The following ATR variants were observed in gnomAD, a reference collection of about 807,000 sequenced individuals.
ATR encodes the protein serine/threonine-protein kinase ATR.
A neutral mutation model predicts 305.3 loss-of-function variants in ATR; 142 were observed. The observed-to-expected ratio is 0.47, with a 90% CI of 0.41 to 0.53. ATR has a LOEUF of 0.53. Ranked by LOEUF, ATR falls within the 20% of genes least tolerant of loss-of-function variation. The pLI is 0.00. For synonymous variants in ATR, 1,050 were observed against 1,068.1 expected, an observed-to-expected ratio of 0.98 and a Z score of 0.33; for missense variants, 2,135 against 3,133.1, an observed-to-expected ratio of 0.68 and a Z score of 7.60.
At chr3:142,548,332 C>A (rs1268058560) in intron 15 of ATR, among the ~76,000 whole-genome samples, 1 of 152,134 alleles carries the variant, frequency 6.6e-6, no homozygotes, top group Non-Finnish European at 1.5e-5. Context: ...CCTAATCTAA[C>A]CTCACTCTGC....
intron 21 of ATR, among the ~76,000 whole-genome samples, chr3:142,529,033 C>A (rs2033532235): frequency 6.6e-6 from 1 of 150,376 alleles, no homozygotes; most frequent in African/African-American, 2.4e-5. Flanking sequence ...ACAGGTGCGC[C>A]ATCATGCCTG....
At position 142,518,988 on chromosome 3, in the gene ATR, T is replaced by C. The variant is rs568257532; in HGVS notation, c.4382+681A>G. Reference sequence around the variant, plus strand: ...AATTGGGAGTAATGAAAATCTTTAATTGGGCCTACTAAAGGCTTTCTGACT... The same window carrying C: ...AATTGGGAGTAATGAAAATCTTTAACTGGGCCTACTAAAGGCTTTCTGACT... On this transcript the variant is annotated intron_variant, in intron 24 of 46. Coordinates refer to ENST00000350721, the MANE Select transcript of ATR (RefSeq NM_001184.4). 7.2e-5 allele frequency among the ~76,000 whole-genome samples: 11 copies of C among 152,280 alleles called. No homozygotes were observed. The East Asian group carries it at 2.1e-3, about 29-fold the overall frequency.
chr3:142,492,348 C>A (rs1289954568), intron 35 of ATR, among the ~76,000 whole-genome samples: 1 of 152,194 alleles, frequency 6.6e-6, no homozygotes, highest in Non-Finnish European at 1.5e-5. Context: ...ATAGCCTCTG[C>A]ATGTTTATTC....
At chr3:142,456,480 G>A (rs879825539) in intron 45 of ATR, among the ~76,000 whole-genome samples, 5 of 151,992 alleles carry the variant, frequency 3.3e-5, no homozygotes, top group African/African-American at 7.3e-5. Flanking sequence ...GCTGAGGCAC[G>A]AGAATCGTTT....
At chr3:142,578,613 A>G in intron 1 of ATR, 33 bp downstream of exon 1, 1 of 1,603,248 alleles carries the variant, frequency 6.2e-7, no homozygotes, top group Non-Finnish European at 8.5e-7. Flanking sequence ...TCAGCGGAGG[A>G]GGATGCAGGA....
At chr3:142,549,430 T>C (rs574247781) in intron 15 of ATR, 49 bp downstream of exon 15, 13 of 1,269,850 alleles carry the variant, frequency 1.0e-5, no homozygotes, top group East Asian at 7.8e-5. Context: ...ATCTTTCCTA[T>C]AATGCTAATT....
intron 27 of ATR, among the ~76,000 whole-genome samples, chr3:142,511,083 T>G (rs1429930614): frequency 6.6e-6 from 1 of 152,116 alleles, no homozygotes; most frequent in African/African-American, 2.4e-5. Flanking sequence ...AAATAGCTTC[T>G]CTTTAGGCCA....
At chr3:142,561,945 C>T (rs1479717514) in intron 4 of ATR, among the ~76,000 whole-genome samples, 5 of 152,078 alleles carry the variant, frequency 3.3e-5, no homozygotes, top group Non-Finnish European at 1.5e-5. Flanking sequence ...TTGGTAACTG[C>T]CCCCTTTTAA....
At chr3:142,476,227 G>A (rs1054274414) in intron 36 of ATR, among the ~76,000 whole-genome samples, 2 of 152,136 alleles carry the variant, frequency 1.3e-5, no homozygotes, top group African/African-American at 4.8e-5. Flanking sequence ...TACGGTTTTA[G>A]GTCTGACATT....
intron 8 of ATR, among the ~76,000 whole-genome samples, chr3:142,556,912 A>G (rs1425484268): frequency 6.6e-6 from 1 of 152,208 alleles, no homozygotes; most frequent in African/African-American, 2.4e-5. Context: ...AAGTCAGCTA[A>G]GTGTCAGTGA....
Position 142,477,369 on chromosome 3 carries a change from C to G in ATR, c.6222-7186G>C, listed in dbSNP as rs541605230. ...CATAATCATGTGGTTTTTGTCTTTG[C>G]TTCTGTTTATAGGATGGATTACATT... On this transcript the variant is annotated intron_variant, in intron 36 of 46. Transcript: ENST00000350721. Among the ~76,000 whole-genome samples the G allele has an allele frequency of 4.1e-3, 631 of 152,130 alleles. 12 individuals are homozygous for G. Among genetic ancestry groups the G allele is most frequent in the African/African-American group, 0.015 (611 of 41,538 alleles).
rs1440203120 is a variant in ATR at position 142,542,883 on chromosome 3, C to T, written c.3358-126G>A. On this transcript the variant is annotated intron_variant, in intron 16 of 46. Coordinates refer to ENST00000350721, the MANE Select transcript of ATR (RefSeq NM_001184.4). ...TAGATTAGCATATTAGAAATAAACA[C>T]TTGGTTAATTAAGTTTCTCCAAAAG... 9.0e-6 allele frequency: 7 copies of T among 777,190 alleles called. No homozygotes were observed. In the Admixed American group the frequency reaches 1.0e-4, roughly 12 times the overall value. The allele number at this position is 777,190 out of a possible 1,614,324, so 48.1% of individuals were successfully genotyped here.
At chr3:142,526,816 T>A (rs1005087417) in intron 21 of ATR, among the ~76,000 whole-genome samples, 1 of 149,664 alleles carries the variant, frequency 6.7e-6, no homozygotes, top group Admixed American at 6.7e-5. Context: ...TGAGACAGGG[T>A]CCCGCTCTGT....
chr3:142,537,376 C>G (rs2033898673), intron 19 of ATR, among the ~76,000 whole-genome samples: 1 of 151,982 alleles, frequency 6.6e-6, no homozygotes, highest in Non-Finnish European at 1.5e-5. Context: ...AGCCACCATG[C>G]CTGGTCAGGA....
At position 142,508,079 on chromosome 3, in the gene ATR, C is replaced by G; in HGVS notation, c.4883G>C (p.Ser1628Thr). The change falls in exon 28 of 47, where the codon AGT becomes ACT. Residue 1628 changes from serine (S) to threonine (T), a missense_variant. By Grantham distance (58) the Ser-to-Thr change is moderately conservative (BLOSUM62 1). This residue lies in a region of ATR where 202 missense variants were observed against 252.9 expected (regional missense o/e 0.80). Coordinates refer to ENST00000350721, the MANE Select transcript of ATR (RefSeq NM_001184.4). ...VSTVDYEDYQ[S>T]VTRFLDLIPQ... is the part of the protein sequence containing the mutation. ...TATGAGGTCTAGAAAACGGGTTACA[C>G]TCTGATAGTCTTCATAATCCACAGT... The G allele has an allele frequency of 6.2e-7, 1 of 1,612,754 alleles. No individual in the cohort carries two copies. Among genetic ancestry groups the G allele is most frequent in the Non-Finnish European group, 8.5e-7 (1 of 1,179,614 alleles).
At chr3:142,511,138 A>G (rs2032534708) in intron 27 of ATR, among the ~76,000 whole-genome samples, 1 of 152,182 alleles carries the variant, frequency 6.6e-6, no homozygotes, top group Non-Finnish European at 1.5e-5. Context: ...TAAAACTTAA[A>G]TGTGAAAAAG....
rs1482290072 is a variant in ATR, at chr3:142,515,490, C to A, written c.4408G>T (p.Asp1470Tyr). The stretch of plus-strand genomic sequence containing the variant: ...ATTGGCTTCTTTACTCCAGACCAAT[C>A]GGTTGACTTCTGAGAACTCTTGTAT... ...TRYKSSQKST[D>Y]WSGVKKPIYL... Residue 1470 changes from aspartate to tyrosine, a missense_variant, in exon 25 of 47, where the codon GAT becomes TAT. By Grantham distance (160) the Asp-to-Tyr change is radical. Coordinates refer to ENST00000350721, the MANE Select transcript of ATR (RefSeq NM_001184.4). 3.1e-6 allele frequency: 5 copies of A among 1,611,630 alleles called. No individual in the cohort carries two copies. Among genetic ancestry groups the A allele is most frequent in the Non-Finnish European group, 4.2e-6 (5 of 1,177,910 alleles).
At chr3:142,450,811 C>G in intron 46 of ATR, 1 of 1,399,990 alleles carries the variant, frequency 7.1e-7, no homozygotes, top group East Asian at 2.7e-5. Flanking sequence ...AGTGGTCCAA[C>G]CACAAGCAGA....
At chr3:142,479,993 C>A (rs538227907) in intron 36 of ATR, among the ~76,000 whole-genome samples, 1 of 152,240 alleles carries the variant, frequency 6.6e-6, no homozygotes, top group Non-Finnish European at 1.5e-5. Flanking sequence ...TTCGTCTAAT[C>A]TTTTTTCAAG....
Sources: gnomAD v4.1 joint callset for allele counts (sites outside exome capture counted in the v4.1 genomes callset) on GRCh38, gnomAD v4.1.1 for gene constraint, gnomAD v4.1.1 regional missense constraint, MANE v1.5 for transcripts, NCBI Gene and HGNC (gene_info 2026-07-23, HGNC 2026-07-21) for gene names.